Variants in FTCD observed in about 807,000 individuals in gnomAD.
FTCD encodes formimidoyltransferase cyclodeaminase, also known as formimidoyltransferase-cyclodeaminase.
FTCD carries 76 observed loss-of-function variants against 62.9 expected under a neutral mutation model. The observed-to-expected ratio is 1.21, with a 90% CI of 1.00 to 1.46. FTCD has a LOEUF of 1.46. Among genes scored for constraint, FTCD ranks in the 40% most tolerant of loss-of-function variants. The pLI, the probability that FTCD is intolerant of heterozygous loss-of-function variation, is 0.00. For synonymous variants in FTCD, 397 were observed against 336.9 expected (o/e 1.18, Z -1.95); for missense variants, 845 against 751.3 (o/e 1.12, Z -1.46).
Position 46,152,981 on chromosome 21 carries a change from C to T in FTCD, c.293G>A (p.Gly98Asp), listed in dbSNP as rs1277556237. The change falls in exon 3 of 14, where the codon GGC (glycine) becomes GAC (aspartate). Residue 98 changes from glycine to aspartate, a missense_variant. Transcript: ENST00000397746. ...GAGCACACACTCATCCACGCTGACG[C>T]CCCTCACGGGGATGAAGGGGCAGAC... ...LDVCPFIPVR[G>D]VSVDECVLCA... The T allele has an allele frequency of 9.0e-6, 14 of 1,553,904 alleles. No homozygotes were observed. The highest frequency in any genetic ancestry group is 1.9e-5 in the Admixed American group (1 of 51,298).
chr21:46,143,741 C>T (rs1300374086), intron 10 of FTCD, among the ~76,000 whole-genome samples: 2 of 152,180 alleles, frequency 1.3e-5, no homozygotes, highest in Non-Finnish European at 2.9e-5. Context: ...CCAAGCGGAG[C>T]ATGGTCTATG....
At chr21:46,140,132 C>G (rs940906863) in intron 10 of FTCD, among the ~76,000 whole-genome samples, 2 of 152,224 alleles carry the variant, frequency 1.3e-5, no homozygotes, top group Admixed American at 6.5e-5. Context: ...TTGCATTGCT[C>G]AGAGGGAGCA....
In FTCD at chr21:46,142,387, TC is replaced by T. The variant is rs969688886; in HGVS notation, c.1260+3029del. On this transcript the variant is annotated intron_variant, in intron 10 of 13. Transcript: ENST00000397746. ...TGGCGCGTCGGGAGCTGTTTCTTCC[TC>T]CCCGTGAGGCCGCCGACCTTCACAG... is the stretch of plus-strand genomic sequence containing the variant. 9.9e-4 allele frequency: 145 copies of T among 145,872 alleles called. 1 individual carries two copies. The highest frequency in any genetic ancestry group is 3.6e-3 in the East Asian group (15 of 4,216). The allele number at this position is 145,872 out of a possible 1,614,324, so 9.0% of individuals were successfully genotyped here.
chr21:46,142,649 A>C (rs1411527968), intron 10 of FTCD: 2 of 152,218 alleles, frequency 1.3e-5, no homozygotes, highest in East Asian at 3.8e-4. Flanking sequence ...AGCAAGATTT[A>C]GTTCGAAGAG....
downstream of FTCD, chr21:46,136,475 T>A: frequency 6.2e-7 from 1 of 1,612,578 alleles, no homozygotes; most frequent in Non-Finnish European, 8.5e-7. Context: ...GCGTCGAAGG[T>A]CCTGCTGTCC....
At chr21:46,151,145 G>A (rs2079263128) in intron 5 of FTCD, among the ~76,000 whole-genome samples, 1 of 152,214 alleles carries the variant, frequency 6.6e-6, no homozygotes, top group Admixed American at 6.5e-5. Context: ...GACCACTGCT[G>A]TGCAGACGTG....
rs201046659 is a variant in FTCD, at chr21:46,155,503, G to A, written c.21C>T (p.Cys7=). The A allele has an allele frequency of 7.4e-6, 12 of 1,612,860 alleles. No individual in the cohort carries two copies. In the East Asian group the frequency reaches 8.9e-5, roughly 12 times the overall value. Residue 7 remains cysteine, a synonymous_variant, in exon 1 of 14, where the codon TGC becomes TGT. Transcript: ENST00000397746. ...TCTTCCCCTCCGAAAAGTTGGGGAC[G>A]CATTCCACCAGCTGGGACATGGCCA... MSQLVE[C]VPNFSEGKNQ...
At chr21:46,146,136 C>G in intron 8 of FTCD, 130 bp downstream of exon 8, 2 of 790,074 alleles carry the variant, frequency 2.5e-6, no homozygotes, top group Non-Finnish European at 4.3e-6. Context: ...TGGCGCAGGC[C>G]GAGTAGGCGC....
intron 5 of FTCD, among the ~76,000 whole-genome samples, chr21:46,150,931 G>A (rs2079257236): frequency 6.6e-6 from 1 of 152,246 alleles, no homozygotes; most frequent in African/African-American, 2.4e-5. Context: ...CCACGTGGGG[G>A]GACTCTGACC....
intron 10 of FTCD, among the ~76,000 whole-genome samples, chr21:46,139,975 C>T (rs947098417): frequency 6.6e-6 from 1 of 152,184 alleles, no homozygotes; most frequent in African/African-American, 2.4e-5. Flanking sequence ...GAGGCCTGCC[C>T]GCCCGGTCCG....
Position 46,145,853 on chromosome 21 carries a change from C to G in FTCD, c.1063G>C (p.Gly355Arg), listed in dbSNP as rs1207247550. The G allele has an allele frequency of 8.0e-6, 11 of 1,377,794 alleles. No individual in the cohort carries two copies. The highest frequency in any genetic ancestry group is 5.6e-5 in the South Asian group (4 of 70,950). The allele number at this position is 1,377,794 out of a possible 1,614,324, so 85.3% of individuals were successfully genotyped here. The stretch of plus-strand genomic sequence containing the variant: ...GCGGCCGCCGCCACCGAGCCGCCCC[C>G]GGGGGCCGCAGAGCGGGCACCCACC... ...GEVGARSAAP[G>R]GGSVAAAAAA... Residue 355 changes from glycine to arginine, a missense_variant, in exon 9 of 14, where the codon GGG (glycine) becomes CGG (arginine). Coordinates refer to ENST00000397746, the MANE Select transcript of FTCD (RefSeq NM_206965.2).
rs144797015 is a variant in FTCD at position 46,149,988 on chromosome 21, T to C, written c.906+131A>G. 6.4e-4 allele frequency: 590 copies of C among 917,654 alleles called. 5 individuals carry two copies. In the East Asian group the frequency reaches 0.015, roughly 23 times the overall value. 56.8% of individuals were successfully genotyped at this position (917,654 alleles called of 1,614,324 possible). A position where few individuals can be genotyped will look rare whatever the true frequency, so the allele number is the denominator to read the frequency against. On this transcript the variant is annotated intron_variant, in intron 7 of 13. Transcript: ENST00000397746. ...AAATAAAAAGTGAAATCTCATCTTC[T>C]GAACACAAGTCAATAAAATGAAGGG... is the stretch of plus-strand genomic sequence containing the variant.
chr21:46,153,056 C>T (rs143592819), intron 2 of FTCD, 21 bp from the exon 3 acceptor site: 218 of 1,542,884 alleles, frequency 1.4e-4, no homozygotes, highest in Non-Finnish European at 1.7e-4. Context: ...ACGGCGAGGC[C>T]GGGCAGGAGG....
At position 46,145,444 on chromosome 21, in the gene FTCD, G is replaced by C. The variant is rs755812358; in HGVS notation, c.1233C>G (p.Ala411=). 5.8e-6 allele frequency: 9 copies of C among 1,557,738 alleles called. No homozygotes were observed. In the African/African-American group the frequency reaches 6.8e-5, roughly 12 times the overall value. ...ASAKLTTLVD[A]DAEAFTAYLE... is the part of the protein sequence containing the mutation. ...GGTAGGCGGTGAAGGCCTCGGCGTC[G>C]GCATCCACCAGCGTGGTTAGCTTGG... is the stretch of plus-strand genomic sequence containing the variant. The change falls in exon 10 of 14, where the codon GCC becomes GCG. Residue 411 remains alanine, a synonymous_variant. Coordinates refer to ENST00000397746, the MANE Select transcript of FTCD (RefSeq NM_206965.2).
chr21:46,147,439 A>G (rs1274146812), intron 7 of FTCD, among the ~76,000 whole-genome samples: 1 of 152,236 alleles, frequency 6.6e-6, no homozygotes, highest in Non-Finnish European at 1.5e-5. Flanking sequence ...AGTGTCCACA[A>G]GCGCCAGCAC....
At chr21:46,150,278 C>A in intron 6 of FTCD, 28 bp from the exon 7 acceptor site, 1 of 1,608,714 alleles carries the variant, frequency 6.2e-7, no homozygotes, top group Admixed American at 1.7e-5. Context: ...GCGTCACCCC[C>A]TGGGGGCTGG....
chr21:46,153,760 T>C (rs1247831895), intron 2 of FTCD, among the ~76,000 whole-genome samples: 3 of 152,218 alleles, frequency 2.0e-5, no homozygotes, highest in African/African-American at 4.8e-5. Context: ...GTTTGGCTTG[T>C]GGGCTGTTGA....
intron 10 of FTCD, among the ~76,000 whole-genome samples, chr21:46,139,607 A>G (rs930701700): frequency 1.3e-5 from 2 of 152,168 alleles, no homozygotes; most frequent in Non-Finnish European, 2.9e-5. Flanking sequence ...CTCCACCAGA[A>G]AGTCATCATC....
Position 46,145,935 on chromosome 21 carries a change from A to G in FTCD, c.981T>C (p.Pro327=). 6.7e-7 allele frequency: 1 copy of G among 1,501,896 alleles called. No homozygotes were observed. Among genetic ancestry groups the G allele is most frequent in the Non-Finnish European group, 8.8e-7 (1 of 1,131,364 alleles). The allele number at this position is 1,501,896 out of a possible 1,614,324, so 93.0% of individuals were successfully genotyped here. Residue 327 remains proline (P), a synonymous_variant, in exon 9 of 14, where the codon CCT becomes CCC. Transcript: ENST00000397746. The stretch of plus-strand genomic sequence containing the variant: ...CCAGGCCTCGCTCAGGCCCGCGCTC[A>G]GGGACCAGGTACCTGCAGGGTGGGC... ...PKERIIEYLV[P]ERGPERGLGS...
Sources: gnomAD v4.1 joint callset for allele counts (sites outside exome capture counted in the v4.1 genomes callset) on GRCh38, gnomAD v4.1.1 for gene constraint, MANE v1.5 for transcripts, NCBI Gene and HGNC (gene_info 2026-07-23, HGNC 2026-07-21) for gene names.